Variants in ANKRD46 observed in about 807,000 individuals in gnomAD.
ANKRD46 encodes the protein ankyrin repeat domain-containing protein 46.
A neutral mutation model predicts 19.8 loss-of-function variants in ANKRD46; 13 were observed. The observed-to-expected ratio is 0.66, with a 90% CI of 0.43 to 1.04. ANKRD46 has a LOEUF of 1.04. ANKRD46 is among the 50% of genes least tolerant of loss of function. The pLI, the probability that ANKRD46 is intolerant of heterozygous loss-of-function variation, is 0.00. For synonymous variants in ANKRD46, 91 were observed against 106.9 expected, an observed-to-expected ratio of 0.85 and a Z score of 0.92; for missense variants, 185 against 274.8, an observed-to-expected ratio of 0.67 and a Z score of 2.31.
At chr8:100,514,016 C>T (rs1414796298) in intron 5 of ANKRD46, among the ~76,000 whole-genome samples, 1 of 152,174 alleles carries the variant, frequency 6.6e-6, no homozygotes, top group Non-Finnish European at 1.5e-5. Flanking sequence ...AAATTAATCC[C>T]CAAAGAAAGG....
rs1394407582 is a variant in ANKRD46, at chr8:100,537,763, T to C, written c.-130-4452A>G. 1.3e-5 allele frequency among the ~76,000 whole-genome samples: 2 copies of C among 152,232 alleles called. No homozygotes were observed. Among genetic ancestry groups the C allele is most frequent in the Non-Finnish European group, 2.9e-5 (2 of 68,036 alleles). ...TCCTTCCCAAAACATTAACAATATA[T>C]TTCTTCAGTCTGCTTATCTTCAGCA... is the stretch of plus-strand genomic sequence containing the variant. On this transcript the variant is annotated intron_variant, in intron 1 of 4. Coordinates refer to ENST00000335659, the MANE Select transcript of ANKRD46 (RefSeq NM_001270377.2). The surrounding 1 kb of genome is among the most constrained non-coding windows in gnomAD (Gnocchi z 4.2).
At chr8:100,551,885 C>T (rs1217978487) in intron 1 of ANKRD46, among the ~76,000 whole-genome samples, 1 of 152,170 alleles carries the variant, frequency 6.6e-6, no homozygotes, top group Non-Finnish European at 1.5e-5. Flanking sequence ...TGCTGTGGCT[C>T]ACACCTATAA....
chr8:100,516,063 G>T (rs1348125820), downstream of ANKRD46, among the ~76,000 whole-genome samples: 3 of 152,026 alleles, frequency 2.0e-5, no homozygotes, highest in Non-Finnish European at 4.4e-5. Flanking sequence ...GTAGAAATGG[G>T]GTTTCTCCAC....
chr8:100,512,210 G>A (rs549825884), intron 5 of ANKRD46, among the ~76,000 whole-genome samples: 2 of 152,276 alleles, frequency 1.3e-5, no homozygotes, highest in South Asian at 2.1e-4. Flanking sequence ...GCATCATTTC[G>A]AGGGTGGGGA....
chr8:100,530,389 A>ATTT (rs11397608), intron 2 of ANKRD46, among the ~76,000 whole-genome samples: 1 of 149,300 alleles, frequency 6.7e-6, no homozygotes, highest in Non-Finnish European at 1.5e-5. Flanking sequence ...TTATAGCACA[A>ATTT]TTTTTTTTTT....
Position 100,515,087 on chromosome 8 carries a change from TTTTTTG to T in ANKRD46, c.637-4454_637-4449del, listed in dbSNP as rs573843449. On this transcript the variant is annotated intron_variant, in intron 5 of 5. Coordinates refer to the ANKRD46 transcript ENST00000520552. ...CACTGGAGAACCAGGCAGTAAATGT[TTTTTTG>T]TTTTTGTTTTTGTTTTTTTAAATGC... Among the ~76,000 whole-genome samples the T allele has an allele frequency of 1.4e-4, 22 of 152,282 alleles. No individual in the cohort carries two copies. The East Asian group carries it at 2.5e-3, about 17-fold the overall frequency.
chr8:100,558,641 A>C (rs1302717032), intron 1 of ANKRD46, among the ~76,000 whole-genome samples: 1 of 152,244 alleles, frequency 6.6e-6, no homozygotes, highest in Admixed American at 6.5e-5. Flanking sequence ...GAGAGAAATC[A>C]GTTCAGGCTA....
rs1393354217 is a variant in ANKRD46, at chr8:100,510,006, GA to G, written c.*570del. ...GCGGGCTGCCGGTGGCCATGGGTGG[GA>G]GTGAAGGGGCTCAGCCTTAGGGGCG... On this transcript the variant is annotated 3_prime_UTR_variant, in exon 6 of 6. Coordinates refer to the ANKRD46 transcript ENST00000520552. The surrounding 1 kb of genome is among the most constrained non-coding windows in gnomAD (Gnocchi z 4.9). The G allele has an allele frequency of 2.0e-5, 3 of 152,482 alleles. No individual in the cohort carries two copies. Among genetic ancestry groups the G allele is most frequent in the Non-Finnish European group, 4.4e-5 (3 of 68,216 alleles). The allele number at this position is 152,482 out of a possible 1,614,324, so 9.4% of individuals were successfully genotyped here.
intron 2 of ANKRD46, 148 bp from the exon 3 acceptor site, chr8:100,530,008 T>C (rs903224768): frequency 1.9e-5 from 11 of 587,286 alleles, no homozygotes; most frequent in Non-Finnish European, 2.6e-5. Flanking sequence ...AAGTTATCAA[T>C]TGTATTTTAT....
chr8:100,512,975 A>C (rs1811570662), intron 5 of ANKRD46, among the ~76,000 whole-genome samples: 1 of 152,184 alleles, frequency 6.6e-6, no homozygotes, highest in South Asian at 2.1e-4. Context: ...GGCTTTCTTG[A>C]GAAGAGACTG....
In ANKRD46 at chr8:100,529,944, T is replaced by A; in HGVS notation, c.-27-84A>T. 1 of 1,104,732 alleles carries A rather than the reference T, an allele frequency of 9.1e-7. No individual in the cohort carries two copies. Among genetic ancestry groups the A allele is most frequent in the Admixed American group, 2.8e-5 (1 of 35,462 alleles). 68.4% of individuals were successfully genotyped at this position (1,104,732 alleles called of 1,614,324 possible). A position where few individuals can be genotyped will look rare whatever the true frequency, so the allele number is the denominator to read the frequency against. On this transcript the variant is annotated intron_variant, in intron 2 of 4. Coordinates refer to ENST00000335659, the MANE Select transcript of ANKRD46 (RefSeq NM_001270377.2). This position sits in a 1 kb window ranked among gnomAD's most constrained non-coding sequence, Gnocchi z 5.8. ...TCATTTAGAAAAGCAATATTTCTCA[T>A]CCTTTTTGGCCTCCTGCCTCTAATA...
chr8:100,559,572 G>A lies in ANKRD46; in HGVS notation c.-131+139C>T, dbSNP rs1039380389. ...CGGCCCGGCTCCCTCCAGTCGCCGCGGAAGGTGTGGGAAGCCCGGGCACCC... is the reference window on the plus strand; with the variant it reads ...CGGCCCGGCTCCCTCCAGTCGCCGCAGAAGGTGTGGGAAGCCCGGGCACCC... On this transcript the variant is annotated intron_variant, in intron 1 of 4. Transcript: ENST00000335659. The surrounding 1 kb of genome is among the most constrained non-coding windows in gnomAD (Gnocchi z 6.0). 1.6e-4 allele frequency: 24 copies of A among 152,474 alleles called. No homozygotes were observed. Among genetic ancestry groups the A allele is most frequent in the African/African-American group, 5.8e-4 (24 of 41,542 alleles). The allele number at this position is 152,474 out of a possible 1,614,324, so 9.4% of individuals were successfully genotyped here.
downstream of ANKRD46, among the ~76,000 whole-genome samples, chr8:100,517,193 C>T (rs2130631931): frequency 6.6e-6 from 1 of 152,296 alleles, no homozygotes; most frequent in East Asian, 1.9e-4. Flanking sequence ...ACCCAGCTCT[C>T]CACTGACCTG....
chr8:100,552,575 T>C (rs927157484), intron 1 of ANKRD46, among the ~76,000 whole-genome samples: 6 of 152,232 alleles, frequency 3.9e-5, no homozygotes, highest in African/African-American at 1.4e-4. Flanking sequence ...GGTCAGTCTT[T>C]ATTATCTAAG....
Position 100,520,773 on chromosome 8 carries a change from T to C in ANKRD46, c.*1782A>G, listed in dbSNP as rs2130637643. The C allele has an allele frequency of 1.0e-6, 1 of 957,290 alleles. No individual in the cohort carries two copies. Among genetic ancestry groups the C allele is most frequent in the South Asian group, 4.8e-5 (1 of 20,678 alleles). 59.3% of individuals were successfully genotyped at this position (957,290 alleles called of 1,614,324 possible). ...AAAAAAAAAAAAGAGAAATCGTGAT[T>C]AAGGGATATATAAATACATTTATTG... On this transcript the variant is annotated 3_prime_UTR_variant, in exon 5 of 5. Coordinates refer to ENST00000335659, the MANE Select transcript of ANKRD46 (RefSeq NM_001270377.2).
At chr8:100,551,185 ATTGTGGT>A in intron 1 of ANKRD46, 1 of 440,520 alleles carries the variant, frequency 2.3e-6, no homozygotes, top group South Asian at 1.9e-5. Flanking sequence ...GGCAGCATGG[ATTGTGGT>A]CACAAGTCCT....
rs1811817469 is a variant in ANKRD46 at position 100,525,108 on chromosome 8, G to C, written c.471-2337C>G. 6.6e-6 allele frequency among the ~76,000 whole-genome samples: 1 copy of C among 152,012 alleles called. No individual in the cohort carries two copies. Among genetic ancestry groups the C allele is most frequent in the Non-Finnish European group, 1.5e-5 (1 of 68,002 alleles). Reference sequence around the variant, plus strand: ...GGCCTGCAGAAGTTGTGCTGTCTTGGGGGAATCCTAAGAGAAATGGAAAAT... The same window carrying C: ...GGCCTGCAGAAGTTGTGCTGTCTTGCGGGAATCCTAAGAGAAATGGAAAAT... On this transcript the variant is annotated intron_variant, in intron 4 of 4. Coordinates refer to ENST00000335659, the MANE Select transcript of ANKRD46 (RefSeq NM_001270377.2). This position sits in a 1 kb window ranked among gnomAD's most constrained non-coding sequence, Gnocchi z 4.4.
intron 5 of ANKRD46, among the ~76,000 whole-genome samples, chr8:100,515,687 TGAGG>T (rs1811619404): frequency 6.7e-6 from 1 of 150,046 alleles, no homozygotes; most frequent in East Asian, 1.9e-4. Flanking sequence ...TGGCAGCGTG[TGAGG>T]GAGGGGCAGT....
At position 100,521,676 on chromosome 8, in the gene ANKRD46, C is replaced by T. The variant is rs1359259771; in HGVS notation, c.*879G>A. On this transcript the variant is annotated 3_prime_UTR_variant, in exon 5 of 5. Transcript: ENST00000335659. ...ATGAACTATGATAAAACTGTGACAA[C>T]ACAGCTAGCTTATAGAACTGAGTTT... 1 of 985,254 alleles carries T rather than the reference C, an allele frequency of 1.0e-6. No homozygotes were observed. The highest frequency in any genetic ancestry group is 1.7e-5 in the African/African-American group (1 of 57,208). 61.0% of individuals were successfully genotyped at this position (985,254 alleles called of 1,614,324 possible).
Sources: allele counts gnomAD v4.1 joint callset (sites outside exome capture counted in the v4.1 genomes callset), GRCh38; gene constraint gnomAD v4.1.1; non-coding constraint Gnocchi (gnomAD v3.1); transcripts MANE v1.5; gene names NCBI Gene and HGNC (gene_info 2026-07-23, HGNC 2026-07-21).